The following LHB variants were observed in gnomAD, a reference collection of about 807,000 sequenced individuals.
LHB encodes the protein lutropin subunit beta.
In LHB, 11 loss-of-function variants were observed where a neutral mutation model predicts 10.6. The ratio of observed to expected loss-of-function variants is 1.04; its 90% CI spans 0.66 to 1.72. The LOEUF (loss-of-function observed/expected upper bound fraction) is 1.72. Among genes scored for constraint, LHB ranks in the 40% most tolerant of loss-of-function variants. The probability of loss-of-function intolerance (pLI) is 0.00; values close to 1 mark genes in which losing one functional copy is unlikely to be tolerated. For missense variants in LHB, 184 were observed against 197.3 expected (o/e 0.93, Z 0.41); for synonymous variants, 86 against 83.1 (o/e 1.03, Z -0.19).
At chr19:49,016,357 G>A (rs755960925) in intron 2 of LHB, 47 bp from the exon 3 acceptor site, 19 of 1,605,478 alleles carry the variant, frequency 1.2e-5, no homozygotes, top group African/African-American at 1.3e-5. Context: ...TGAGGCCAGC[G>A]CCTCAGCTGA....
upstream of LHB, chr19:49,017,864 G>A: frequency 5.0e-6 from 2 of 398,058 alleles, no homozygotes; most frequent in African/African-American, 2.1e-5. Flanking sequence ...TAATGAGTGC[G>A]ACTCAGGCTG....
At chr19:49,019,287 C>A, upstream of LHB, 1 of 1,216,664 alleles carries the variant, frequency 8.2e-7, no homozygotes, top group Non-Finnish European at 1.0e-6. Flanking sequence ...AACAACCTCC[C>A]TGGTTCCGCT....
Position 49,016,580 on chromosome 19 carries a change from G to A in LHB, c.150C>T (p.Asn50=), listed in dbSNP as rs367789365. Residue 50 remains asparagine, a synonymous_variant, in exon 2 of 3, where the codon AAC becomes AAT. Coordinates refer to ENST00000649238, the MANE Select transcript of LHB (RefSeq NM_000894.3). ...KEGCPVCITV[N]TTICAGYCPT... ...GGCAGTAGCCGGCACAGATGGTGGT[G>A]TTGACGGTGATGCACACTGGGCAGC... 68 of 1,610,666 alleles carry A rather than the reference G, an allele frequency of 4.2e-5. No individual in the cohort carries two copies. The highest frequency in any genetic ancestry group is 5.3e-5 in the Non-Finnish European group (62 of 1,179,664).
At chr19:49,017,552 C>T (rs1247305160), upstream of LHB, 3 of 1,100,640 alleles carry the variant, frequency 2.7e-6, no homozygotes, top group South Asian at 6.6e-5. Context: ...AGGGTCTCCC[C>T]GTGACTGTGC....
chr19:49,018,323 T>C (rs1409666183), upstream of LHB: 1 of 1,217,266 alleles, frequency 8.2e-7, no homozygotes, highest in Non-Finnish European at 1.0e-6. Flanking sequence ...CTTGCGGGGG[T>C]ATCCGGACAG....
intron 1 of LHB, 114 bp downstream of exon 1, chr19:49,016,953 G>T (rs1171773054): frequency 1.2e-6 from 2 of 1,609,544 alleles, no homozygotes; most frequent in Admixed American, 3.3e-5. Flanking sequence ...CTTACTGGGG[G>T]TCATGCCCCT....
upstream of LHB, chr19:49,019,312 C>G: frequency 8.3e-7 from 1 of 1,199,828 alleles, no homozygotes; most frequent in South Asian, 3.1e-5. Context: ...CTTAAACCGT[C>G]TTGGTGTGGC....
chr19:49,019,306 A>C, upstream of LHB: 1 of 1,222,832 alleles, frequency 8.2e-7, no homozygotes. Context: ...CTCTGTCTTA[A>C]ACCGTCTTGG....
upstream of LHB, chr19:49,017,836 C>G: frequency 2.5e-6 from 1 of 398,716 alleles, no homozygotes; most frequent in South Asian, 1.4e-4. Context: ...AGTCCCGCCC[C>G]CACGTTGCCA....
At chr19:49,018,974 G>A (rs1339145484), upstream of LHB, 2 of 1,533,476 alleles carry the variant, frequency 1.3e-6, no homozygotes, top group African/African-American at 1.4e-5. Context: ...CAGACAGCTC[G>A]GGGTTCTTCG....
At chr19:49,016,893 G>A (rs944120174) in intron 1 of LHB, 174 bp downstream of exon 1, 5 of 1,587,578 alleles carry the variant, frequency 3.1e-6, no homozygotes, top group East Asian at 2.3e-5. Flanking sequence ...GAGGACCTGA[G>A]ATGCCCCAAC....
upstream of LHB, chr19:49,017,209 A>T (rs2039571169): frequency 2.7e-6 from 4 of 1,498,534 alleles, no homozygotes; most frequent in Non-Finnish European, 2.8e-6. Context: ...CGAGAGGTGC[A>T]CATGGCCAGG....
At chr19:49,019,077 A>G (rs925143415), upstream of LHB, 5 of 1,458,124 alleles carry the variant, frequency 3.4e-6, no homozygotes, top group African/African-American at 7.1e-5. Flanking sequence ...TCCCGAGTTC[A>G]GAATCCCTCT....
chr19:49,016,340 A>T (rs763388174), intron 2 of LHB, 30 bp from the exon 3 acceptor site: 4 of 1,608,126 alleles, frequency 2.5e-6, no homozygotes, highest in East Asian at 2.2e-5. Flanking sequence ...GGGAATGAGC[A>T]TGTGCCTGAG....
intron 2 of LHB, 69 bp from the exon 3 acceptor site, chr19:49,016,379 G>A (rs2039553336): frequency 1.2e-6 from 2 of 1,602,708 alleles, no homozygotes; most frequent in Non-Finnish European, 1.7e-6. Context: ...CTCCCAAGCT[G>A]ACCCCACAGG....
At chr19:49,018,933 ACGCCCCGG>A (rs1429101584), upstream of LHB, 49 of 1,534,300 alleles carry the variant, frequency 3.2e-5, no homozygotes, top group Non-Finnish European at 4.3e-5. Flanking sequence ...GCGGTCCAGG[ACGCCCCGG>A]TCGGATACTG....
upstream of LHB, chr19:49,018,993 A>G: frequency 1.3e-6 from 2 of 1,532,736 alleles, no homozygotes; most frequent in South Asian, 1.2e-5. Flanking sequence ...CGTCCAGGCA[A>G]TTAGAGCCTG....
chr19:49,017,154 G>C (rs2039569771), upstream of LHB: 36 of 1,607,532 alleles, frequency 2.2e-5, no homozygotes, highest in Non-Finnish European at 3.1e-5. Context: ...GCCACCAGGA[G>C]GTGATAGGAT....
chr19:49,016,447 C>T (rs977578740), intron 2 of LHB, 100 bp downstream of exon 2: 14 of 1,602,046 alleles, frequency 8.7e-6, no homozygotes, highest in Non-Finnish European at 1.0e-5. Context: ...CCCCATTCCC[C>T]AACCGCAGGC....
Sources: gnomAD v4.1 joint callset for allele counts on GRCh38, gnomAD v4.1.1 for gene constraint, MANE v1.5 for transcripts, NCBI Gene and HGNC (gene_info 2026-07-23, HGNC 2026-07-21) for gene names.